MAU2: variants seen among roughly 807,000 people sequenced by gnomAD.
MAU2 encodes the protein MAU2 sister chromatid cohesion factor.
MAU2 carries 9 observed loss-of-function variants against 89.1 expected under a neutral mutation model. That is an observed-to-expected ratio of 0.10 (90% CI 0.06 to 0.18). MAU2 has a LOEUF of 0.18. MAU2 is among the 10% of genes least tolerant of loss of function. The probability of loss-of-function intolerance (pLI) is 1.00; values close to 1 mark genes in which losing one functional copy is unlikely to be tolerated. For missense variants in MAU2, 425 were observed against 803.5 expected (o/e 0.53, Z 5.69); for synonymous variants, 357 against 343.4 (o/e 1.04, Z -0.44).
intron 10 of MAU2, 190 bp downstream of exon 10, chr19:19,344,130 G>T: frequency 1.7e-6 from 1 of 585,334 alleles, no homozygotes; most frequent in Non-Finnish European, 3.1e-6. Flanking sequence ...AACCAGTGGA[G>T]GCCGGGCGCA....
intron 10 of MAU2, chr19:19,344,546 C>T: frequency 2.0e-6 from 1 of 490,478 alleles, no homozygotes; most frequent in East Asian, 3.3e-5. Context: ...ATTAGGAACA[C>T]TCTACCCCCA....
At chr19:19,335,848 C>A in intron 2 of MAU2, 113 bp downstream of exon 2, 1 of 1,248,268 alleles carries the variant, frequency 8.0e-7, no homozygotes, top group Non-Finnish European at 1.2e-6. Context: ...TGAGGCTCGG[C>A]CCACAGAGCA....
At chr19:19,332,185 G>A (rs114926198) in intron 1 of MAU2, among the ~76,000 whole-genome samples, 2,067 of 152,234 alleles carry the variant, frequency 0.014, 38 homozygotes, top group African/African-American at 0.046. Flanking sequence ...GTAAGAGTCA[G>A]GGTCTTGCCC....
At position 19,356,207 on chromosome 19, in the gene MAU2, C is replaced by T; in HGVS notation, c.*425C>T. The T allele has an allele frequency of 2.7e-6, 1 of 364,374 alleles. No individual in the cohort carries two copies. 22.6% of individuals were successfully genotyped at this position (364,374 alleles called of 1,614,324 possible). On this transcript the variant is annotated 3_prime_UTR_variant, in exon 19 of 19. Transcript: ENST00000262815. ...GCCGAGCGGGAGTAGAGTGTTTCCT[C>T]TGCTCAAGGCAATTTCCAGAGCCCG...
chr19:19,321,030 C>G lies in MAU2; in HGVS notation c.171C>G (p.Phe57Leu), dbSNP rs1284450448. The G allele has an allele frequency of 6.2e-7, 1 of 1,612,510 alleles. No individual in the cohort carries two copies. Among genetic ancestry groups the G allele is most frequent in the African/African-American group, 1.3e-5 (1 of 74,852 alleles). The change falls in exon 1 of 19, where the codon TTC (phenylalanine) becomes TTG (leucine). Residue 57 changes from phenylalanine (F) to leucine (L), a missense_variant. Phe to Leu is a conservative substitution (Grantham distance 22). Around this residue, in one of 11 missense-constraint regions of MAU2, gnomAD observed 57 missense variants for 57.5 expected, o/e 0.99. Transcript: ENST00000262815. Reference sequence around the variant, plus strand: ...ACTGCCTGCAGGCCGTGTTCCCCTTCAAGCCGCCGCAGCGCATCGAGGCCC... The same window carrying G: ...ACTGCCTGCAGGCCGTGTTCCCCTTGAAGCCGCCGCAGCGCATCGAGGCCC... ...CVHCLQAVFP[F>L]KPPQRIEART...
At chr19:19,349,975 A>AT (rs34536394) in intron 16 of MAU2, among the ~76,000 whole-genome samples, 30,788 of 111,116 alleles carry the variant, frequency 0.28, 4,664 homozygotes, top group Non-Finnish European at 0.32. Flanking sequence ...GAGGTCTTGA[A>AT]TTTTTTTTTT....
intron 7 of MAU2, among the ~76,000 whole-genome samples, chr19:19,341,745 C>T (rs2061648826): frequency 6.6e-6 from 1 of 152,208 alleles, no homozygotes; most frequent in South Asian, 2.1e-4. Flanking sequence ...GGCACCTGCA[C>T]ACAGCAGATG....
intron 16 of MAU2, among the ~76,000 whole-genome samples, chr19:19,351,342 G>T (rs1056857931): frequency 6.6e-5 from 10 of 151,372 alleles, no homozygotes; most frequent in Admixed American, 3.3e-4. Flanking sequence ...CACTGTGCCT[G>T]GCCCTAGAGA....
chr19:19,348,906 G>A lies in MAU2; in HGVS notation c.1326G>A (p.Glu442=), dbSNP rs1286089456. The A allele has an allele frequency of 6.2e-7, 1 of 1,613,966 alleles. No individual in the cohort carries two copies. Among genetic ancestry groups the A allele is most frequent in the Non-Finnish European group, 8.5e-7 (1 of 1,180,016 alleles). ...CCCCGCAGCTCTACAGTCTGCTGGA[G>A]AGGATCAACCCGGACCACAGCTTCC... ...RHQEVLYSLL[E]RINPDHSFPV... is the part of the protein sequence containing the mutation. The change falls in exon 14 of 19, where the codon GAG becomes GAA. Residue 442 remains glutamate, a synonymous_variant. Transcript: ENST00000262815.
chr19:19,354,476 C>G (rs2048154357), intron 17 of MAU2, 31 bp downstream of exon 17: 2 of 1,586,068 alleles, frequency 1.3e-6, no homozygotes, highest in Non-Finnish European at 1.7e-6. Flanking sequence ...TCTTCCCCAG[C>G]CCCAGCCTGG....
rs771397196 is a variant in MAU2 at position 19,320,836 on chromosome 19, C to T, written c.-24C>T. The stretch of plus-strand genomic sequence containing the variant: ...GCCTGCTTCCGCCTCCCTGTGGCGG[C>T]GGCTTGTTGTTGTGGAGGCCAAAAT... On this transcript the variant is annotated 5_prime_UTR_variant, in exon 1 of 19. Transcript: ENST00000262815. 6.7e-7 allele frequency: 1 copy of T among 1,496,048 alleles called. No individual in the cohort carries two copies. The highest frequency in any genetic ancestry group is 1.4e-5 in the South Asian group (1 of 73,214). The allele number at this position is 1,496,048 out of a possible 1,614,324, so 92.7% of individuals were successfully genotyped here. A position where few individuals can be genotyped will look rare whatever the true frequency, so the allele number is the denominator to read the frequency against.
rs1037064556 is a variant in MAU2, at chr19:19,345,461, A to G, written c.1221+92A>G. On this transcript the variant is annotated intron_variant, in intron 12 of 18. Coordinates refer to ENST00000262815, the MANE Select transcript of MAU2 (RefSeq NM_015329.4). This position sits in a 1 kb window ranked among gnomAD's most constrained non-coding sequence, Gnocchi z 4.9. ...CTGTGATGAGGACAGCAGTCGCGCT[A>G]GGTCAGCTATGCAAAGCCGCAGCCC... is the stretch of plus-strand genomic sequence containing the variant. 4 of 1,267,392 alleles carry G rather than the reference A, an allele frequency of 3.2e-6. No individual in the cohort carries two copies. Among genetic ancestry groups the G allele is most frequent in the African/African-American group, 1.5e-5 (1 of 68,426 alleles). 78.5% of individuals were successfully genotyped at this position (1,267,392 alleles called of 1,614,324 possible). A position where few individuals can be genotyped will look rare whatever the true frequency, so the allele number is the denominator to read the frequency against.
chr19:19,342,025 G>A (rs1054681902), intron 7 of MAU2, among the ~76,000 whole-genome samples: 2 of 152,142 alleles, frequency 1.3e-5, no homozygotes, highest in Admixed American at 6.6e-5. Context: ...CATACCCATC[G>A]TTGCCCATTG....
rs778211870 is a variant in MAU2 at position 19,355,870 on chromosome 19, T to C, written c.*88T>C. The C allele has an allele frequency of 3.2e-6, 4 of 1,234,844 alleles. No individual in the cohort carries two copies. In the South Asian group the frequency reaches 3.6e-5, roughly 11 times the overall value. The allele number at this position is 1,234,844 out of a possible 1,614,324, so 76.5% of individuals were successfully genotyped here. ...ACTCAAGCCTGCCCCCGAGGCGTGC[T>C]TCCTTCCTGATTGTCTCTAGAGCTT... On this transcript the variant is annotated 3_prime_UTR_variant, in exon 19 of 19. Transcript: ENST00000262815.
chr19:19,339,096 T>C (rs887243888), intron 5 of MAU2, among the ~76,000 whole-genome samples, 157 bp downstream of exon 5: 2 of 152,166 alleles, frequency 1.3e-5, no homozygotes, highest in African/African-American at 4.8e-5. Context: ...GAGGATCACT[T>C]GAGCCCAGGA....
At chr19:19,352,112 G>A (rs1214239644) in intron 16 of MAU2, among the ~76,000 whole-genome samples, 1 of 151,826 alleles carries the variant, frequency 6.6e-6, no homozygotes, top group African/African-American at 2.4e-5. Context: ...GCCTCCCAAA[G>A]TGCTGGGATT....
chr19:19,333,662 G>C (rs1406931778), intron 1 of MAU2, among the ~76,000 whole-genome samples: 1 of 152,258 alleles, frequency 6.6e-6, no homozygotes, highest in Non-Finnish European at 1.5e-5. Context: ...GCTGTCGTCA[G>C]CTCTGGGGAG....
chr19:19,333,077 CAAA>C (rs201542665), intron 1 of MAU2, among the ~76,000 whole-genome samples: 1 of 136,962 alleles, frequency 7.3e-6, no homozygotes, highest in Admixed American at 7.3e-5. Flanking sequence ...AACTCCATCT[CAAA>C]AAAAAAAAAG....
chr19:19,330,080 TGTGGTTCTTTTGCCTCAGCTTCCAGA>T (rs1477617983), intron 1 of MAU2, among the ~76,000 whole-genome samples: 1 of 151,908 alleles, frequency 6.6e-6, no homozygotes, highest in Non-Finnish European at 1.5e-5. Context: ...CCTGGGCTCA[TGTGGTTCTTTTGCCTCAGCTTCCAGA>T]GTAGCTGATG....
Sources: gnomAD v4.1 joint callset for allele counts (sites outside exome capture counted in the v4.1 genomes callset) on GRCh38, gnomAD v4.1.1 for gene constraint, gnomAD v4.1.1 regional missense constraint, Gnocchi (gnomAD v3.1) non-coding constraint, MANE v1.5 for transcripts, NCBI Gene and HGNC (gene_info 2026-07-23, HGNC 2026-07-21) for gene names.